The following SCN9A variants were observed in gnomAD, a reference collection of about 807,000 sequenced individuals.
The protein encoded by SCN9A is sodium channel protein type 9 subunit alpha.
Under a neutral mutation model 187.0 loss-of-function variants are expected in SCN9A, and 131 were observed. That is an observed-to-expected ratio of 0.70 (90% CI 0.61 to 0.81). The LOEUF is 0.81. Ranked by LOEUF, SCN9A falls within the 30% of genes least tolerant of loss-of-function variation. The pLI, the probability that SCN9A is intolerant of heterozygous loss-of-function variation, is 0.00. For synonymous variants in SCN9A, 809 were observed against 808.6 expected (o/e 1.00, Z -0.01); for missense variants, 2,252 against 2,396.6 (o/e 0.94, Z 1.26).
Position 166,293,354 on chromosome 2 carries a change from G to T in SCN9A, c.984C>A (p.Tyr328Ter), listed in dbSNP as rs121908917. 3.7e-6 allele frequency: 6 copies of T among 1,609,134 alleles called. No homozygotes were observed. The highest frequency in any genetic ancestry group is 5.1e-6 in the Non-Finnish European group (6 of 1,177,660). ...STDSGQCPEG[Y>*]TCVKIGRNPD... ...GGTTTCTGCCAATTTTCACACAGGT[G>T]TACCCCTCTGGACACTGACTACACA... The change falls in exon 9 of 27, where the codon TAC becomes TAA. Residue 328 changes from tyrosine (Y) to a stop codon, truncating the protein, a stop_gained. Coordinates refer to ENST00000642356, the MANE Select transcript of SCN9A (RefSeq NM_001365536.1). LOFTEE classifies it high-confidence loss of function.
chr2:166,227,193 A>G (rs375649664), intron 23 of SCN9A, among the ~76,000 whole-genome samples: 4 of 152,152 alleles, frequency 2.6e-5, no homozygotes, highest in Non-Finnish European at 5.9e-5. Flanking sequence ...AACTCATCCA[A>G]GGTGTTTTAA....
At chr2:166,310,494 T>A in intron 2 of SCN9A, among the ~76,000 whole-genome samples, 1 of 85,544 alleles carries the variant, frequency 1.2e-5, no homozygotes, top group African/African-American at 6.4e-5. Context: ...AAAAAACACA[T>A]GAAAAAATGC....
At chr2:166,212,382 C>G (rs1234952384) in intron 24 of SCN9A, among the ~76,000 whole-genome samples, 2 of 152,130 alleles carry the variant, frequency 1.3e-5, no homozygotes, top group African/African-American at 4.8e-5. Flanking sequence ...AAAACTGTCA[C>G]AAGAGACAAA....
chr2:166,337,341 T>G (rs1211033899), intron 1 of SCN9A, among the ~76,000 whole-genome samples: 1 of 152,070 alleles, frequency 6.6e-6, no homozygotes, highest in African/African-American at 2.4e-5. Context: ...TTGGACATCC[T>G]GTGTTTGAGA....
At chr2:166,313,997 C>T (rs143307775) in intron 1 of SCN9A, among the ~76,000 whole-genome samples, 2 of 152,252 alleles carry the variant, frequency 1.3e-5, no homozygotes, top group East Asian at 3.9e-4. Context: ...TGAAACAGAA[C>T]ACGTCACATT....
intron 1 of SCN9A, among the ~76,000 whole-genome samples, chr2:166,355,131 T>A (rs1700122110): frequency 6.6e-6 from 1 of 151,914 alleles, no homozygotes; most frequent in Non-Finnish European, 1.5e-5. Flanking sequence ...AGTCTCTCTC[T>A]GTCACCCAGG....
At chr2:166,288,229 T>G (rs1261931192) in intron 10 of SCN9A, among the ~76,000 whole-genome samples, 2 of 151,186 alleles carry the variant, frequency 1.3e-5, no homozygotes, top group Non-Finnish European at 2.9e-5. Context: ...TCACTTTTCA[T>G]GCAGTGAGAT....
intron 16 of SCN9A, among the ~76,000 whole-genome samples, chr2:166,273,423 G>A (rs1443019866): frequency 6.6e-6 from 1 of 150,882 alleles, no homozygotes; most frequent in Non-Finnish European, 1.5e-5. Flanking sequence ...TGTCCAAGAA[G>A]CGTGCTAGAA....
chr2:166,216,587 C>G (rs893900536), intron 24 of SCN9A, among the ~76,000 whole-genome samples: 2 of 151,872 alleles, frequency 1.3e-5, no homozygotes, highest in African/African-American at 4.8e-5. Flanking sequence ...TATACATTAA[C>G]AATGAGGTAT....
rs764284736 is a variant in SCN9A at position 166,276,972 on chromosome 2, T to TAA, written c.2874+10_2874+11insTT. On this transcript the variant is annotated intron_variant, in intron 16 of 26. Coordinates refer to ENST00000642356, the MANE Select transcript of SCN9A (RefSeq NM_001365536.1). ...AGAGAAATTAAAATGCATGAACATC[T>TAA]GGTTACATACCACCAGGTTTCCAAT... is the stretch of plus-strand genomic sequence containing the variant. 5,844 of 1,581,040 alleles carry TAA rather than the reference T, an allele frequency of 3.7e-3. 339 individuals carry two copies. In the African/African-American group the frequency reaches 0.076, roughly 20 times the overall value.
Position 166,201,254 on chromosome 2 carries a change from A to T in SCN9A, c.4775-1390T>A, listed in dbSNP as rs558679394. ...ATACTATATACAGTATATAGTATAC[A>T]TATACTATACATATACATATACTAT... is the stretch of plus-strand genomic sequence containing the variant. On this transcript the variant is annotated intron_variant, in intron 26 of 26. Coordinates refer to ENST00000642356, the MANE Select transcript of SCN9A (RefSeq NM_001365536.1). Among the ~76,000 whole-genome samples, 80 of 141,098 alleles carry T rather than the reference A, an allele frequency of 5.7e-4. 1 individual carries two copies. Among genetic ancestry groups the T allele is most frequent in the Admixed American group, 1.1e-3 (16 of 14,404 alleles). 92.6% of individuals were successfully genotyped at this position (141,098 alleles called of 152,430 possible).
chr2:166,351,019 C>G (rs575434258), intron 1 of SCN9A, among the ~76,000 whole-genome samples: 8 of 152,094 alleles, frequency 5.3e-5, no homozygotes, highest in Middle Eastern at 6.8e-3. Flanking sequence ...TTTGCCTGCT[C>G]TCTATATATA....
At chr2:166,337,545 A>G (rs1699659174) in intron 1 of SCN9A, among the ~76,000 whole-genome samples, 1 of 152,152 alleles carries the variant, frequency 6.6e-6, no homozygotes, top group South Asian at 2.1e-4. Flanking sequence ...ATAAATGATC[A>G]TAGTACAAAA....
chr2:166,290,058 C>G (rs1465208525), intron 9 of SCN9A, among the ~76,000 whole-genome samples: 1 of 152,040 alleles, frequency 6.6e-6, no homozygotes, highest in East Asian at 1.9e-4. Flanking sequence ...TAACGTTCTC[C>G]CTCCCCTTGC....
chr2:166,286,346 G>T lies in SCN9A; in HGVS notation c.1592C>A (p.Thr531Asn). ...CAATTTGGGTGGTACCTGATTGGGG[G>T]TAGACAACCTCTTTTCATGTGCTCG... The part of the protein sequence containing the change: ...HRRAHEKRLS[T>N]PNQSPLSIRG... Residue 531 changes from threonine to asparagine, a missense_variant, in exon 11 of 27, where the codon ACC (threonine) becomes AAC (asparagine). By Grantham distance (65) the Thr-to-Asn change is moderately conservative. This residue lies in a region of SCN9A where 1,013 missense variants were observed against 997.4 expected (regional missense o/e 1.02). Coordinates refer to ENST00000642356, the MANE Select transcript of SCN9A (RefSeq NM_001365536.1). 2 of 1,608,276 alleles carry T rather than the reference G, an allele frequency of 1.2e-6. No homozygotes were observed. The highest frequency in any genetic ancestry group is 1.7e-6 in the Non-Finnish European group (2 of 1,178,008).
At chr2:166,302,176 TATTAAGA>T (rs1698582243) in intron 7 of SCN9A, 6 of 146,786 alleles carry the variant, frequency 4.1e-5, no homozygotes, top group African/African-American at 1.7e-4. Context: ...TCAAATTATC[TATTAAGA>T]TTTATGTATT....
intron 17 of SCN9A, among the ~76,000 whole-genome samples, chr2:166,265,999 C>T (rs909289624): frequency 6.6e-6 from 1 of 151,530 alleles, no homozygotes; most frequent in African/African-American, 2.4e-5. Context: ...ATTTATTTTC[C>T]CATTCTGTAG....
At chr2:166,371,419 T>C (rs1700560122) in intron 1 of SCN9A, among the ~76,000 whole-genome samples, 1 of 152,190 alleles carries the variant, frequency 6.6e-6, no homozygotes, top group African/African-American at 2.4e-5. Context: ...TCCTCCAAAC[T>C]TCATTCCACC....
At chr2:166,368,825 T>TA (rs773860024) in intron 1 of SCN9A, among the ~76,000 whole-genome samples, 19 of 151,442 alleles carry the variant, frequency 1.3e-4, no homozygotes, top group Non-Finnish European at 2.4e-4. Flanking sequence ...CTATCTCTAC[T>TA]AAAAATACAA....
Sources: allele counts gnomAD v4.1 joint callset (sites outside exome capture counted in the v4.1 genomes callset), GRCh38; gene constraint gnomAD v4.1.1; regional missense constraint gnomAD v4.1.1; transcripts MANE v1.5; gene names NCBI Gene and HGNC (gene_info 2026-07-23, HGNC 2026-07-21).